THSD4: variants seen among roughly 807,000 people sequenced by gnomAD.
THSD4 encodes the protein thrombospondin type-1 domain-containing protein 4.
A neutral mutation model predicts 119.0 loss-of-function variants in THSD4; 69 were observed. The observed-to-expected ratio is 0.58, with a 90% CI of 0.48 to 0.71. The LOEUF is 0.71. THSD4 is among the 30% of genes least tolerant of loss of function. The pLI, the probability that THSD4 is intolerant of heterozygous loss-of-function variation, is 0.00. For missense variants in THSD4, 1,393 were observed against 1,391.1 expected (o/e 1.00, Z -0.02); for synonymous variants, 524 against 540.4 (o/e 0.97, Z 0.42).
At chr15:71,624,758 T>G (rs916005411) in intron 7 of THSD4, among the ~76,000 whole-genome samples, 17 of 152,318 alleles carry the variant, frequency 1.1e-4, no homozygotes, top group African/African-American at 4.1e-4. Context: ...GAAGTCATCC[T>G]TCAAGCCCAG....
chr15:71,367,399 C>T (rs537920815), intron 6 of THSD4, among the ~76,000 whole-genome samples: 54 of 152,248 alleles, frequency 3.5e-4, no homozygotes, highest in African/African-American at 1.2e-3. Context: ...CACATTAACT[C>T]GTCATTTACA....
intron 8 of THSD4, among the ~76,000 whole-genome samples, chr15:71,668,998 T>G (rs1191879190): frequency 6.6e-6 from 1 of 152,256 alleles, no homozygotes; most frequent in Non-Finnish European, 1.5e-5. Context: ...CATACTTATA[T>G]AAATAATTCT....
intron 8 of THSD4, among the ~76,000 whole-genome samples, chr15:71,673,076 T>C (rs909118527): frequency 1.3e-5 from 2 of 152,206 alleles, no homozygotes; most frequent in Non-Finnish European, 2.9e-5. Context: ...CCAGCTCCTC[T>C]TTGTACCTCT....
At chr15:71,632,932 G>A (rs1273576541) in intron 7 of THSD4, among the ~76,000 whole-genome samples, 1 of 152,194 alleles carries the variant, frequency 6.6e-6, no homozygotes, top group Non-Finnish European at 1.5e-5. Flanking sequence ...GCCTATTGCT[G>A]TAACAAGTCT....
rs1596418917 is a variant in THSD4, at chr15:71,418,390, G to A, written c.1152+6567G>A. On this transcript the variant is annotated intron_variant, in intron 7 of 17. Coordinates refer to ENST00000261862, the MANE Select transcript of THSD4 (RefSeq NM_024817.3). ...CTCTATTCAGTATGAAACTGGCTGTGGGTCTGTCATATATGACTTAATTAT... is the reference window on the plus strand; with the variant it reads ...CTCTATTCAGTATGAAACTGGCTGTAGGTCTGTCATATATGACTTAATTAT... Among the ~76,000 whole-genome samples the A allele has an allele frequency of 6.5e-5, 7 of 108,436 alleles. 2 individuals carry two copies. In the East Asian group the frequency reaches 9.3e-4, roughly 14 times the overall value. The allele number at this position is 108,436 out of a possible 152,430, so 71.1% of individuals were successfully genotyped here.
intron 6 of THSD4, among the ~76,000 whole-genome samples, chr15:71,308,133 A>G (rs1344408986): frequency 2.6e-5 from 4 of 152,198 alleles, no homozygotes; most frequent in East Asian, 3.9e-4. Context: ...TGGGTGGTCT[A>G]TGTTCTCAGA....
chr15:71,729,130 C>G, intron 9 of THSD4: 1 of 221,560 alleles, frequency 4.5e-6, no homozygotes, highest in Non-Finnish European at 9.2e-6. Context: ...GGACCGCTCC[C>G]AGCTCCCAGC....
Position 71,215,028 on chromosome 15 carries a change from T to C in THSD4, c.100-7T>C. 7.9e-7 allele frequency: 1 copy of C among 1,263,494 alleles called. No individual in the cohort carries two copies. The allele number at this position is 1,263,494 out of a possible 1,614,324, so 78.3% of individuals were successfully genotyped here. On this transcript the variant is annotated splice_polypyrimidine_tract_variant and splice_region_variant and intron_variant, in intron 3 of 17. Transcript: ENST00000261862. ...TCTGGTCCCCTAACCTGCCTCTGTC[T>C]CCGCAGGTCCCGCAGCGGATGGCGG...
At chr15:71,726,636 G>A (rs1051420078) in intron 8 of THSD4, among the ~76,000 whole-genome samples, 8 of 152,146 alleles carry the variant, frequency 5.3e-5, no homozygotes, top group Non-Finnish European at 8.8e-5. Flanking sequence ...TATGTACATA[G>A]CACTTAAAAC....
intron 7 of THSD4, among the ~76,000 whole-genome samples, chr15:71,572,224 G>A (rs1222598826): frequency 6.6e-6 from 1 of 152,206 alleles, no homozygotes; most frequent in Non-Finnish European, 1.5e-5. Context: ...TGAATTTCCA[G>A]TTGGGTGAGA....
At chr15:71,243,948 C>A (rs115947256) in intron 5 of THSD4, among the ~76,000 whole-genome samples, 3 of 151,990 alleles carry the variant, frequency 2.0e-5, no homozygotes, top group Middle Eastern at 3.4e-3. Context: ...CTATACCCAG[C>A]TAATTTTTCT....
intron 7 of THSD4, among the ~76,000 whole-genome samples, chr15:71,442,827 T>A (rs776904200): frequency 6.6e-6 from 1 of 150,568 alleles, no homozygotes; most frequent in Non-Finnish European, 1.5e-5. Flanking sequence ...TCTTCCCTTA[T>A]GTACCCACAT....
At chr15:71,608,249 T>TATATATATACAC (rs772729777) in intron 7 of THSD4, among the ~76,000 whole-genome samples, 7 of 106,258 alleles carry the variant, frequency 6.6e-5, no homozygotes, top group East Asian at 2.6e-4. Flanking sequence ...TATATATATA[T>TATATATATACAC]ACACACACAC....
At chr15:71,341,579 G>A (rs763884771) in intron 6 of THSD4, 16 of 1,604,048 alleles carry the variant, frequency 1.0e-5, no homozygotes, top group Admixed American at 8.3e-5. Flanking sequence ...CAGATACTTC[G>A]TGGCTTTTCG....
At chr15:71,111,955 G>T, upstream of THSD4, 1 of 656,422 alleles carries the variant, frequency 1.5e-6, no homozygotes. Context: ...TCCCCTCTCA[G>T]GCAATCTCAG....
intron 8 of THSD4, among the ~76,000 whole-genome samples, chr15:71,712,878 G>A (rs910454773): frequency 1.6e-4 from 24 of 152,160 alleles, no homozygotes; most frequent in Non-Finnish European, 1.9e-4. Flanking sequence ...TCTGGAAAAG[G>A]AAAACCCATA....
At chr15:71,126,706 A>G (rs1260673384) in intron 1 of THSD4, among the ~76,000 whole-genome samples, 3 of 152,248 alleles carry the variant, frequency 2.0e-5, no homozygotes, top group Non-Finnish European at 4.4e-5. Flanking sequence ...AATTATGACC[A>G]TGCCTGAGGC....
At chr15:71,464,751 G>A (rs1300529295) in intron 7 of THSD4, among the ~76,000 whole-genome samples, 2 of 152,046 alleles carry the variant, frequency 1.3e-5, no homozygotes, top group Non-Finnish European at 2.9e-5. Flanking sequence ...TTGGGAGATG[G>A]ACACTGTTTT....
intron 8 of THSD4, among the ~76,000 whole-genome samples, chr15:71,662,804 C>T (rs537506146): frequency 5.3e-5 from 8 of 152,250 alleles, no homozygotes; most frequent in East Asian, 1.9e-4. Context: ...ATTTCAGACT[C>T]GGCAGAGCCC....
Sources: gnomAD v4.1 joint callset for allele counts (sites outside exome capture counted in the v4.1 genomes callset) on GRCh38, gnomAD v4.1.1 for gene constraint, MANE v1.5 for transcripts, NCBI Gene and HGNC (gene_info 2026-07-23, HGNC 2026-07-21) for gene names.